The following CNTN1 variants were observed in gnomAD, a reference collection of about 807,000 sequenced individuals.
CNTN1 encodes the protein contactin-1.
CNTN1 carries 38 observed loss-of-function variants against 126.4 expected under a neutral mutation model. That is an observed-to-expected ratio of 0.30 (90% CI 0.23 to 0.39). The LOEUF is 0.39. Among genes scored for constraint, CNTN1 ranks in the 10% least tolerant of loss-of-function variants. CNTN1 has a pLI of 1.00. For synonymous variants in CNTN1, 413 were observed against 422.6 expected (o/e 0.98, Z 0.28); for missense variants, 1,009 against 1,248.4 (o/e 0.81, Z 2.89).
chr12:40,871,070 C>G (rs543163360), intron 1 of CNTN1, among the ~76,000 whole-genome samples: 2 of 151,742 alleles, frequency 1.3e-5, no homozygotes, highest in South Asian at 4.2e-4. Flanking sequence ...ACCTTTTATT[C>G]CCTGGAATAA....
intron 15 of CNTN1, among the ~76,000 whole-genome samples, chr12:40,979,793 T>G (rs1429486903): frequency 6.6e-6 from 1 of 152,082 alleles, no homozygotes; most frequent in Admixed American, 6.6e-5. Flanking sequence ...TCACTTATCT[T>G]TTAATTTCTA....
At chr12:40,990,648 C>T (rs1018385642) in intron 16 of CNTN1, among the ~76,000 whole-genome samples, 1 of 152,192 alleles carries the variant, frequency 6.6e-6, no homozygotes, top group Non-Finnish European at 1.5e-5. Flanking sequence ...TATTTTCATA[C>T]TGGATCCTCA....
rs1452947160 is a variant in CNTN1 at position 40,908,483 on chromosome 12, C to T, written c.51C>T (p.Thr17=). The T allele has an allele frequency of 2.5e-6, 4 of 1,605,140 alleles. No individual in the cohort carries two copies. Among genetic ancestry groups the T allele is most frequent in the African/African-American group, 2.7e-5 (2 of 74,714 alleles). The change falls in exon 2 of 24, where the codon ACC becomes ACT. Residue 17 remains threonine, a synonymous_variant. Transcript: ENST00000551295. Reference sequence around the variant, plus strand: ...ATCTTGTGATAATATCTATTACTACCTGTTTAGCAGGTAAGAAATATCCTT... The same window carrying T: ...ATCTTGTGATAATATCTATTACTACTTGTTTAGCAGGTAAGAAATATCCTT... ...VSHLVIISIT[T]CLAEFTWYRR...
At chr12:40,805,130 T>C (rs1463312061) in intron 1 of CNTN1, among the ~76,000 whole-genome samples, 5 of 152,062 alleles carry the variant, frequency 3.3e-5, no homozygotes, top group Admixed American at 6.6e-5. Flanking sequence ...TATCTATGTG[T>C]TGTATTTGTT....
At chr12:40,716,960 CACA>C (rs1337355679) in intron 1 of CNTN1, among the ~76,000 whole-genome samples, 4 of 152,130 alleles carry the variant, frequency 2.6e-5, no homozygotes, top group Admixed American at 6.5e-5. Flanking sequence ...ATTTAATCTT[CACA>C]ACATCTTTTT....
chr12:40,928,934 C>T (rs1945788276), intron 6 of CNTN1, among the ~76,000 whole-genome samples: 1 of 151,874 alleles, frequency 6.6e-6, no homozygotes, highest in African/African-American at 2.4e-5. Context: ...TCTAGTCTGA[C>T]CTAGAGAGAT....
At chr12:40,998,950 CAA>C (rs1489400142) in intron 17 of CNTN1, among the ~76,000 whole-genome samples, 1 of 152,062 alleles carries the variant, frequency 6.6e-6, no homozygotes, top group African/African-American at 2.4e-5. Flanking sequence ...TGTTTTCAAT[CAA>C]GAGCTTATCT....
chr12:40,722,308 A>G (rs954553301), intron 1 of CNTN1, among the ~76,000 whole-genome samples: 1 of 152,228 alleles, frequency 6.6e-6, no homozygotes, highest in Non-Finnish European at 1.5e-5. Context: ...TGGTGTGAAT[A>G]TTCACAATAT....
rs536193235 is a variant in CNTN1, at chr12:40,904,261, G to A, written c.-76-4096G>A. ...TCTCAATCTCCTGACCTCGTGATCCGTCCACCTTGGCCTCCCAAAGTGCTG... is the reference window on the plus strand; with the variant it reads ...TCTCAATCTCCTGACCTCGTGATCCATCCACCTTGGCCTCCCAAAGTGCTG... On this transcript the variant is annotated intron_variant, in intron 1 of 23. Coordinates refer to ENST00000551295, the MANE Select transcript of CNTN1 (RefSeq NM_001843.4). Among the ~76,000 whole-genome samples, 35 of 151,974 alleles carry A rather than the reference G, an allele frequency of 2.3e-4. No homozygotes were observed. The East Asian group carries it at 5.6e-3, about 24-fold the overall frequency.
chr12:40,709,597 C>T (rs868607339), intron 1 of CNTN1, among the ~76,000 whole-genome samples: 1 of 152,178 alleles, frequency 6.6e-6, no homozygotes, highest in Admixed American at 6.6e-5. Context: ...GTTTCGTTTA[C>T]GTTGAAATTA....
chr12:40,751,644 G>A (rs1482956411), intron 1 of CNTN1, among the ~76,000 whole-genome samples: 1 of 151,964 alleles, frequency 6.6e-6, no homozygotes, highest in Non-Finnish European at 1.5e-5. Flanking sequence ...ACATGAACAA[G>A]GATTTTGTAA....
intron 1 of CNTN1, among the ~76,000 whole-genome samples, chr12:40,878,013 TTG>T (rs1555172572): frequency 0.067 from 6,525 of 97,508 alleles, 417 homozygotes; most frequent in Non-Finnish European, 0.12. Flanking sequence ...TTTTTTTTTT[TTG>T]AGATAGAGTT....
At chr12:40,839,183 C>G (rs1942184566) in intron 1 of CNTN1, among the ~76,000 whole-genome samples, 1 of 151,962 alleles carries the variant, frequency 6.6e-6, no homozygotes, top group Admixed American at 6.6e-5. Flanking sequence ...AAGAAATAAT[C>G]TCAGAATTTG....
intron 1 of CNTN1, among the ~76,000 whole-genome samples, chr12:40,888,668 T>C (rs776004241): frequency 1.3e-5 from 2 of 152,234 alleles, no homozygotes; most frequent in African/African-American, 4.8e-5. Flanking sequence ...GGAATTAATC[T>C]TTTTGTGGAC....
chr12:41,027,281 CT>C (rs1226398264), intron 21 of CNTN1, among the ~76,000 whole-genome samples: 2 of 151,810 alleles, frequency 1.3e-5, no homozygotes, highest in Non-Finnish European at 2.9e-5. Context: ...AGCCATGGGC[CT>C]AAGTGTCAGT....
chr12:41,017,455 C>G (rs1180668058), intron 19 of CNTN1, among the ~76,000 whole-genome samples: 1 of 150,676 alleles, frequency 6.6e-6, no homozygotes, highest in African/African-American at 2.4e-5. Context: ...CAAATTCTAA[C>G]CTAAAAATGT....
At chr12:41,060,712 C>T (rs984529928) in intron 23 of CNTN1, among the ~76,000 whole-genome samples, 4 of 152,058 alleles carry the variant, frequency 2.6e-5, no homozygotes, top group Non-Finnish European at 4.4e-5. Flanking sequence ...AAATTAAAAA[C>T]TTGAATGTTA....
intron 23 of CNTN1, among the ~76,000 whole-genome samples, chr12:41,067,766 TA>T (rs71081704): frequency 1.1e-3 from 158 of 143,900 alleles, no homozygotes; most frequent in Admixed American, 1.6e-3. Flanking sequence ...TAAAGTATAA[TA>T]AAAAAAAAAA....
chr12:40,733,021 G>A (rs984093375), intron 1 of CNTN1, among the ~76,000 whole-genome samples: 2 of 151,962 alleles, frequency 1.3e-5, no homozygotes. Context: ...ATGATAATCA[G>A]TACGGAGCCT....
Sources: gnomAD v4.1 joint callset for allele counts (sites outside exome capture counted in the v4.1 genomes callset) on GRCh38, gnomAD v4.1.1 for gene constraint, MANE v1.5 for transcripts, NCBI Gene and HGNC (gene_info 2026-07-23, HGNC 2026-07-21) for gene names.